Variants in LAMC3 observed in about 807,000 individuals in gnomAD.
LAMC3 encodes laminin subunit gamma-3.
LAMC3 carries 128 observed loss-of-function variants against 173.8 expected under a neutral mutation model. The ratio of observed to expected loss-of-function variants is 0.74; its 90% CI spans 0.64 to 0.85. The LOEUF (loss-of-function observed/expected upper bound fraction) is 0.85. Ranked by LOEUF, LAMC3 falls within the 40% of genes least tolerant of loss-of-function variation. The pLI, the probability that LAMC3 is intolerant of heterozygous loss-of-function variation, is 0.00. For synonymous variants in LAMC3, 897 were observed against 909.1 expected, an observed-to-expected ratio of 0.99 and a Z score of 0.24; for missense variants, 2,022 against 2,156.0, an observed-to-expected ratio of 0.94 and a Z score of 1.23.
intron 1 of LAMC3, among the ~76,000 whole-genome samples, chr9:131,014,054 C>T (rs1278345974): frequency 1.3e-5 from 2 of 152,246 alleles, no homozygotes; most frequent in Non-Finnish European, 2.9e-5. Flanking sequence ...CATCCACCCA[C>T]AGAACTGCCC....
At chr9:131,023,801 G>C (rs1196014612) in intron 1 of LAMC3, among the ~76,000 whole-genome samples, 1 of 152,024 alleles carries the variant, frequency 6.6e-6, no homozygotes. Context: ...ATGAGGTTTC[G>C]TCATGTTGCC....
chr9:131,091,424 G>A (rs1450132890), intron 27 of LAMC3, 113 bp from the exon 28 acceptor site: 1 of 1,378,840 alleles, frequency 7.3e-7, no homozygotes, highest in East Asian at 2.5e-5. Context: ...GGTGGATGGT[G>A]GGCCATTGGA....
intron 24 of LAMC3, among the ~76,000 whole-genome samples, chr9:131,084,698 A>T (rs986555011): frequency 6.6e-6 from 1 of 151,960 alleles, no homozygotes; most frequent in African/African-American, 2.4e-5. Flanking sequence ...GGAATTTGAG[A>T]TCAGCCTGGC....
intron 12 of LAMC3, among the ~76,000 whole-genome samples, chr9:131,058,045 A>G (rs1380784389): frequency 6.6e-6 from 1 of 152,150 alleles, no homozygotes; most frequent in Non-Finnish European, 1.5e-5. Flanking sequence ...GCCTCCCTCC[A>G]GCCTGGACTC....
chr9:131,015,191 G>A (rs1833497987), intron 1 of LAMC3, among the ~76,000 whole-genome samples: 1 of 152,198 alleles, frequency 6.6e-6, no homozygotes, highest in African/African-American at 2.4e-5. Context: ...GGGCTGGGCT[G>A]TGAACCCCAG....
chr9:131,081,042 C>T (rs1588168911), intron 23 of LAMC3, among the ~76,000 whole-genome samples: 2 of 152,370 alleles, frequency 1.3e-5, no homozygotes, highest in East Asian at 3.9e-4. Context: ...TCCATGCCCA[C>T]TCAGCAGTCC....
chr9:131,076,672 G>A (rs1830133951), intron 21 of LAMC3, among the ~76,000 whole-genome samples: 1 of 152,104 alleles, frequency 6.6e-6, no homozygotes, highest in African/African-American at 2.4e-5. Flanking sequence ...AGCTGGTCAG[G>A]ACAGAAAACC....
intron 24 of LAMC3, 44 bp from the exon 25 acceptor site, chr9:131,085,480 G>A (rs745868397): frequency 6.2e-7 from 1 of 1,607,828 alleles, no homozygotes; most frequent in Non-Finnish European, 8.5e-7. Context: ...GGCACCGGAG[G>A]TGTGAGCCCA....
intron 2 of LAMC3, among the ~76,000 whole-genome samples, chr9:131,027,755 G>T (rs1421710317): frequency 6.6e-6 from 1 of 152,256 alleles, no homozygotes; most frequent in African/African-American, 2.4e-5. Context: ...GGCACGTAGA[G>T]CGTGCCCACC....
chr9:131,049,955 C>G (rs1834248433), intron 9 of LAMC3, among the ~76,000 whole-genome samples: 2 of 152,218 alleles, frequency 1.3e-5, no homozygotes, highest in Admixed American at 6.5e-5. Context: ...TGCCAGCACC[C>G]CCGACCAGCT....
chr9:131,069,296 C>T (rs1829998696), intron 16 of LAMC3, among the ~76,000 whole-genome samples: 2 of 152,172 alleles, frequency 1.3e-5, no homozygotes, highest in South Asian at 2.1e-4. Flanking sequence ...CTCTGGCCCT[C>T]TGCAGCCTGC....
rs371299880 is a variant in LAMC3, at chr9:131,041,656, G to T, written c.1303G>T (p.Ala435Ser). The T allele has an allele frequency of 1.2e-6, 2 of 1,614,012 alleles. No individual in the cohort carries two copies. Among genetic ancestry groups the T allele is most frequent in the East Asian group, 2.2e-5 (1 of 44,880 alleles). The change falls in exon 7 of 28, where the codon GCT becomes TCT. Residue 435 changes from alanine to serine, a missense_variant. Transcript: ENST00000361069. ...GGCRPCTCNP[A>S]GSLDTCDPRS... The stretch of plus-strand genomic sequence containing the variant: ...TGGCAGACCCTGCACTTGCAATCCC[G>T]CTGGCAGCCTGGACACCTGTGACCC...
rs947443865 is a variant in LAMC3 at position 131,009,422 on chromosome 9, G to T, written c.208G>T (p.Ala70Ser). ...DFCPHVGAAGAGAHCQRCDAA... is the reference protein window; with the variant it reads ...DFCPHVGAAGSGAHCQRCDAA... ...CTGTCCCCACGTGGGCGCCGCGGGC[G>T]CGGGGGCTCATTGCCAGCGCTGCGA... Residue 70 changes from alanine (A) to serine (S), a missense_variant, in exon 1 of 28, where the codon GCG becomes TCG. Coordinates refer to ENST00000361069, the MANE Select transcript of LAMC3 (RefSeq NM_006059.4). The surrounding 1 kb of genome is among the most constrained non-coding windows in gnomAD (Gnocchi z 4.3). The T allele has an allele frequency of 5.2e-6, 8 of 1,542,160 alleles. No homozygotes were observed. In the South Asian group the frequency reaches 8.3e-5, roughly 16 times the overall value.
Position 131,026,443 on chromosome 9 carries a change from T to A in LAMC3, c.532T>A (p.Tyr178Asn), listed in dbSNP as rs1220728884. Residue 178 changes from tyrosine (Y) to asparagine (N), a missense_variant, in exon 2 of 28, where the codon TAC becomes AAC. Tyr to Asn is a moderately radical substitution (Grantham distance 143). Transcript: ENST00000361069. The surrounding 1 kb of genome is among the most constrained non-coding windows in gnomAD (Gnocchi z 4.8). ...QKTYGRPEGQYLRPGEDERVA... is the reference protein window; with the variant it reads ...QKTYGRPEGQNLRPGEDERVA... ...GACCTACGGCCGGCCCGAGGGCCAG[T>A]ACCTGCGCCCCGGCGAGGACGAGCG... 6.2e-7 allele frequency: 1 copy of A among 1,613,650 alleles called. No individual in the cohort carries two copies.
rs542439658 is a variant in LAMC3 at position 131,019,365 on chromosome 9, C to T, written c.374-6920C>T. ...TGAATCCTTATAGCTGAGCATGGCA[C>T]CTAGCACACAAGAGGTGCCCAATAA... On this transcript the variant is annotated intron_variant, in intron 1 of 27. Transcript: ENST00000361069. Among the ~76,000 whole-genome samples the T allele has an allele frequency of 2.0e-4, 31 of 152,342 alleles. 1 individual carries two copies. The South Asian group carries it at 6.2e-3, about 31-fold the overall frequency.
chr9:131,043,177 A>G lies in LAMC3; in HGVS notation c.1382+1442A>G, dbSNP rs144872760. Among the ~76,000 whole-genome samples the G allele has an allele frequency of 6.7e-3, 1,027 of 152,338 alleles. 8 individuals are homozygous for G. Among genetic ancestry groups the G allele is most frequent in the African/African-American group, 0.023 (975 of 41,590 alleles). On this transcript the variant is annotated intron_variant, in intron 7 of 27. Coordinates refer to ENST00000361069, the MANE Select transcript of LAMC3 (RefSeq NM_006059.4). ...AGTCTGATCATGGTACAAATGGGGC[A>G]TCTGAAGCTCTGCAAGTCAAAGGGG...
Position 131,036,156 on chromosome 9 carries a change from C to T in LAMC3, c.810-10C>T. 6.2e-7 allele frequency: 1 copy of T among 1,613,184 alleles called. No individual in the cohort carries two copies. Among genetic ancestry groups the T allele is most frequent in the South Asian group, 1.1e-5 (1 of 91,066 alleles). On this transcript the variant is annotated splice_polypyrimidine_tract_variant and intron_variant, in intron 3 of 27. Transcript: ENST00000361069. ...TGCGGGTCCCCTTCCTCCTCTGTGT[C>T]TTTTCCCAGGTGCAAGTGCAACGGG...
At chr9:131,046,906 G>T (rs946028058) in intron 8 of LAMC3, among the ~76,000 whole-genome samples, 1 of 152,118 alleles carries the variant, frequency 6.6e-6, no homozygotes, top group African/African-American at 2.4e-5. Flanking sequence ...AGGGCCGCGC[G>T]CCCTCTGCTG....
chr9:131,027,569 G>A (rs994012081), intron 2 of LAMC3, among the ~76,000 whole-genome samples: 4 of 152,036 alleles, frequency 2.6e-5, no homozygotes, highest in Non-Finnish European at 5.9e-5. Flanking sequence ...TGTGGCCAGC[G>A]CAGTTGAGGA....
Sources: allele counts gnomAD v4.1 joint callset (sites outside exome capture counted in the v4.1 genomes callset), GRCh38; gene constraint gnomAD v4.1.1; non-coding constraint Gnocchi (gnomAD v3.1); transcripts MANE v1.5; gene names NCBI Gene and HGNC (gene_info 2026-07-23, HGNC 2026-07-21).